Variants in RBFOX1 observed in about 807,000 individuals in gnomAD.
The protein encoded by RBFOX1 is RNA binding protein fox-1 homolog 1.
Under a neutral mutation model 57.7 loss-of-function variants are expected in RBFOX1, and 8 were observed. That is an observed-to-expected ratio of 0.14 (90% CI 0.08 to 0.25). The LOEUF (loss-of-function observed/expected upper bound fraction) is 0.25, where lower values mean the gene tolerates loss of function less well. Among genes scored for constraint, RBFOX1 ranks in the 10% least tolerant of loss-of-function variants. RBFOX1 has a pLI of 1.00. For synonymous variants in RBFOX1, 326 were observed against 222.4 expected, an observed-to-expected ratio of 1.47 and a Z score of -4.15; for missense variants, 611 against 548.5, an observed-to-expected ratio of 1.11 and a Z score of -1.14.
At chr16:5,630,063 G>C (rs966461793) in intron 3 of RBFOX1, among the ~76,000 whole-genome samples, 1 of 152,180 alleles carries the variant, frequency 6.6e-6, no homozygotes, top group Non-Finnish European at 1.5e-5. Context: ...AGGATTCTCT[G>C]TTTCTTTCCA....
chr16:6,147,017 G>A (rs2152714325), intron 1 of RBFOX1, among the ~76,000 whole-genome samples: 2 of 152,252 alleles, frequency 1.3e-5, no homozygotes, highest in South Asian at 4.1e-4. Flanking sequence ...AGGGCCATCT[G>A]TAGACTCACT....
chr16:5,502,608 AT>A (rs2043237829), intron 2 of RBFOX1, among the ~76,000 whole-genome samples: 1 of 152,158 alleles, frequency 6.6e-6, no homozygotes, highest in African/African-American at 2.4e-5. Context: ...AGAAAATGCA[AT>A]CAGGTCCAAG....
chr16:7,226,921 A>G (rs545132430), intron 4 of RBFOX1, among the ~76,000 whole-genome samples: 17 of 152,308 alleles, frequency 1.1e-4, no homozygotes, highest in East Asian at 3.9e-4. Flanking sequence ...CTGTGTGTCT[A>G]TATGTATGGA....
intron 3 of RBFOX1, among the ~76,000 whole-genome samples, chr16:6,929,432 A>G (rs1233272675): frequency 6.6e-6 from 1 of 152,164 alleles, no homozygotes; most frequent in Non-Finnish European, 1.5e-5. Flanking sequence ...GGTAAACAGC[A>G]GTTCCCTGGT....
chr16:5,795,817 G>C (rs2054858895), intron 3 of RBFOX1, among the ~76,000 whole-genome samples: 1 of 152,152 alleles, frequency 6.6e-6, no homozygotes, highest in African/African-American at 2.4e-5. Flanking sequence ...ACATTCATTG[G>C]GGAAGGATTT....
At chr16:5,502,457 G>T (rs1227500656) in intron 2 of RBFOX1, among the ~76,000 whole-genome samples, 1 of 152,134 alleles carries the variant, frequency 6.6e-6, no homozygotes, top group Non-Finnish European at 1.5e-5. Flanking sequence ...TGGACCTCAG[G>T]CTCCGGCCCC....
intron 3 of RBFOX1, among the ~76,000 whole-genome samples, chr16:6,717,070 G>C (rs2154157439): frequency 6.6e-6 from 1 of 152,276 alleles, no homozygotes; most frequent in East Asian, 1.9e-4. Context: ...TGCAAACCAA[G>C]AGTTCCCTTC....
At chr16:6,744,790 A>G (rs1428889163) in intron 3 of RBFOX1, among the ~76,000 whole-genome samples, 1 of 152,124 alleles carries the variant, frequency 6.6e-6, no homozygotes, top group Admixed American at 6.6e-5. Context: ...AGAAAAATAG[A>G]AAAAGAAGGT....
At chr16:7,617,381 T>C (rs979988497) in intron 10 of RBFOX1, among the ~76,000 whole-genome samples, 17 of 152,308 alleles carry the variant, frequency 1.1e-4, no homozygotes, top group Admixed American at 1.0e-3. Context: ...TTGTTTTTTT[T>C]CAAACATCCA....
At chr16:7,262,433 G>A (rs1255137368) in intron 4 of RBFOX1, among the ~76,000 whole-genome samples, 1 of 152,176 alleles carries the variant, frequency 6.6e-6, no homozygotes, top group Non-Finnish European at 1.5e-5. Context: ...TGCAATAAGT[G>A]AAAGGTAAAT....
chr16:7,102,308 C>A (rs144075429), intron 4 of RBFOX1, among the ~76,000 whole-genome samples: 1 of 152,162 alleles, frequency 6.6e-6, no homozygotes, highest in Non-Finnish European at 1.5e-5. Context: ...CTATTGGATT[C>A]CCTTAGCCTA....
chr16:5,398,398 T>G (rs1596849596), intron 1 of RBFOX1, among the ~76,000 whole-genome samples: 3 of 151,988 alleles, frequency 2.0e-5, no homozygotes, highest in African/African-American at 7.3e-5. Context: ...CATGTGAGGG[T>G]GCATGTGTGT....
intron 3 of RBFOX1, among the ~76,000 whole-genome samples, chr16:6,791,987 G>C (rs1001165905): frequency 6.6e-6 from 1 of 152,164 alleles, no homozygotes; most frequent in Non-Finnish European, 1.5e-5. Context: ...TTTATAGTCT[G>C]ACTTTGAACT....
intron 2 of RBFOX1, among the ~76,000 whole-genome samples, chr16:6,345,728 C>A (rs1447386748): frequency 6.6e-6 from 1 of 152,194 alleles, no homozygotes; most frequent in African/African-American, 2.4e-5. Flanking sequence ...TGAACCCATA[C>A]AATCTAAGAC....
At chr16:7,522,006 G>A (rs184647732) in intron 5 of RBFOX1, among the ~76,000 whole-genome samples, 16 of 152,202 alleles carry the variant, frequency 1.1e-4, no homozygotes, top group African/African-American at 2.9e-4. Flanking sequence ...AAGCCCTCTC[G>A]TGGGAATCAA....
At chr16:6,161,876 T>A (rs763885794) in intron 1 of RBFOX1, among the ~76,000 whole-genome samples, 6 of 152,214 alleles carry the variant, frequency 3.9e-5, no homozygotes, top group African/African-American at 1.4e-4. Flanking sequence ...TTTGAGTAGG[T>A]TGAACCAAAG....
intron 2 of RBFOX1, among the ~76,000 whole-genome samples, chr16:6,382,389 G>A (rs1348950691): frequency 6.6e-6 from 1 of 152,180 alleles, no homozygotes; most frequent in Non-Finnish European, 1.5e-5. Flanking sequence ...GCTTTCTCCT[G>A]CAGAGTGGGT....
intron 4 of RBFOX1, among the ~76,000 whole-genome samples, chr16:7,515,333 C>G (rs918866396): frequency 6.6e-6 from 1 of 150,462 alleles, no homozygotes; most frequent in Non-Finnish European, 1.5e-5. Context: ...AAAAATGAGA[C>G]AAAGGGTACA....
chr16:7,355,151 AT>A (rs2097193199), intron 4 of RBFOX1, among the ~76,000 whole-genome samples: 1 of 152,168 alleles, frequency 6.6e-6, no homozygotes, highest in South Asian at 2.1e-4. Flanking sequence ...AGAGATGTCA[AT>A]TGCTGAAGTC....
Sources: allele counts gnomAD v4.1 joint callset (sites outside exome capture counted in the v4.1 genomes callset), GRCh38; gene constraint gnomAD v4.1.1; transcripts MANE v1.5; gene names NCBI Gene and HGNC (gene_info 2026-07-23, HGNC 2026-07-21).